The following SGK1 variants were observed in gnomAD, a reference collection of about 807,000 sequenced individuals.
The protein encoded by SGK1 is serine/threonine-protein kinase Sgk1.
In SGK1, 26 loss-of-function variants were observed where a neutral mutation model predicts 64.2. The ratio of observed to expected loss-of-function variants is 0.40; its 90% CI spans 0.30 to 0.56. SGK1 has a LOEUF of 0.56. Among genes scored for constraint, SGK1 ranks in the 20% least tolerant of loss-of-function variants. SGK1 has a pLI of 0.38. For missense variants in SGK1, 519 were observed against 645.6 expected, an observed-to-expected ratio of 0.80 and a Z score of 2.12; for synonymous variants, 265 against 239.7, an observed-to-expected ratio of 1.11 and a Z score of -0.98.
intron 8 of SGK1, 71 bp from the exon 9 acceptor site, chr6:134,172,845 G>T: frequency 1.6e-6 from 2 of 1,283,082 alleles, no homozygotes; most frequent in Non-Finnish European, 2.3e-6. Context: ...CACAGCAAAA[G>T]AACAACTGCA....
At chr6:134,305,629 A>T (rs9493894) in intron 1 of SGK1, among the ~76,000 whole-genome samples, 20,216 of 151,370 alleles carry the variant, frequency 0.13, 1,737 homozygotes, top group African/African-American at 0.24. Context: ...GATGGAATTT[A>T]AAAAAATTTA....
chr6:134,260,360 T>G (rs1776745698), intron 2 of SGK1: 5 of 89,290 alleles, frequency 5.6e-5, no homozygotes, highest in South Asian at 4.2e-4. Context: ...CCTGTCTCCC[T>G]GTCCCCGACC....
chr6:134,179,768 A>G (rs915981198), intron 3 of SGK1, among the ~76,000 whole-genome samples: 12 of 152,146 alleles, frequency 7.9e-5, no homozygotes, highest in African/African-American at 2.9e-4. Context: ...CGCAGGGTTT[A>G]TATTTTTTCC....
At chr6:134,203,198 GTGCCAC>G (rs1775712980) in intron 3 of SGK1, among the ~76,000 whole-genome samples, 1 of 152,088 alleles carries the variant, frequency 6.6e-6, no homozygotes, top group South Asian at 2.1e-4. Flanking sequence ...AGCCAAGATT[GTGCCAC>G]TGCACCCCAG....
intron 2 of SGK1, chr6:134,218,836 TC>T (rs999825383): frequency 6.6e-6 from 1 of 152,176 alleles, no homozygotes; most frequent in African/African-American, 2.4e-5. Context: ...CATTTTAGAT[TC>T]TTTAAGGGAG....
intron 3 of SGK1, among the ~76,000 whole-genome samples, chr6:134,198,963 G>A (rs1382609446): frequency 2.0e-5 from 3 of 152,132 alleles, no homozygotes; most frequent in South Asian, 4.2e-4. Flanking sequence ...ATGGCTCACC[G>A]CAGCCTCCAA....
intron 3 of SGK1, among the ~76,000 whole-genome samples, chr6:134,181,060 G>A (rs553549063): frequency 1.6e-4 from 25 of 152,230 alleles, no homozygotes; most frequent in Admixed American, 4.6e-4. Context: ...TGGCCTGGTC[G>A]GCCTCCTCTC....
At chr6:134,218,886 CAAT>C (rs1272256563) in intron 2 of SGK1, 2 of 152,194 alleles carry the variant, frequency 1.3e-5, no homozygotes, top group Non-Finnish European at 2.9e-5. Flanking sequence ...TCACCAGAAT[CAAT>C]GATGGCACAT....
intron 1 of SGK1, among the ~76,000 whole-genome samples, chr6:134,286,718 C>T (rs1381430490): frequency 1.3e-5 from 2 of 152,106 alleles, no homozygotes; most frequent in African/African-American, 4.8e-5. Flanking sequence ...CCGCCCGCCT[C>T]AGCCTCCCAA....
At chr6:134,266,289 T>G (rs1021681095) in intron 1 of SGK1, among the ~76,000 whole-genome samples, 2 of 151,894 alleles carry the variant, frequency 1.3e-5, no homozygotes, top group Non-Finnish European at 2.9e-5. Flanking sequence ...CTGGCCTATA[T>G]GTACTCTTTT....
intron 3 of SGK1, among the ~76,000 whole-genome samples, chr6:134,182,460 C>G (rs1251146743): frequency 6.6e-6 from 1 of 150,936 alleles, no homozygotes; most frequent in Non-Finnish European, 1.5e-5. Context: ...TATGCCACTG[C>G]ACTCCAGCCC....
At chr6:134,235,890 A>G (rs1174667437) in intron 2 of SGK1, among the ~76,000 whole-genome samples, 1 of 152,170 alleles carries the variant, frequency 6.6e-6, no homozygotes, top group African/African-American at 2.4e-5. Context: ...TATTTTAGAT[A>G]AGGAACAAGA....
At chr6:134,242,694 G>C (rs1582737552) in intron 2 of SGK1, among the ~76,000 whole-genome samples, 1 of 151,360 alleles carries the variant, frequency 6.6e-6, no homozygotes, top group Non-Finnish European at 1.5e-5. Context: ...CGAACTCCTG[G>C]CCTCAAACAA....
chr6:134,222,061 ATGTTG>A (rs1169698940), intron 2 of SGK1, among the ~76,000 whole-genome samples: 1 of 152,200 alleles, frequency 6.6e-6, no homozygotes, highest in African/African-American at 2.4e-5. Context: ...TTCTGCCAAA[ATGTTG>A]TGTTTTAACA....
chr6:134,208,980 T>C (rs1245485206), intron 2 of SGK1, among the ~76,000 whole-genome samples: 2 of 151,744 alleles, frequency 1.3e-5, no homozygotes, highest in Non-Finnish European at 2.9e-5. Flanking sequence ...AATTGCTGGG[T>C]CAAATGGTAA....
intron 2 of SGK1, among the ~76,000 whole-genome samples, chr6:134,253,901 G>A (rs756858476): frequency 2.0e-5 from 3 of 152,176 alleles, no homozygotes; most frequent in East Asian, 1.9e-4. Flanking sequence ...GCATTTGGTC[G>A]CTGACTAAGC....
chr6:134,313,838 C>T (rs1400131167), intron 1 of SGK1, among the ~76,000 whole-genome samples: 7 of 151,994 alleles, frequency 4.6e-5, no homozygotes, highest in African/African-American at 7.2e-5. Context: ...CATTTGTTTG[C>T]GTTTTCTAAA....
At chr6:134,242,299 A>G (rs1480685691) in intron 2 of SGK1, among the ~76,000 whole-genome samples, 1 of 151,956 alleles carries the variant, frequency 6.6e-6, no homozygotes, top group African/African-American at 2.4e-5. Flanking sequence ...CAGCCTGGCC[A>G]ACGTGGCAAA....
At chr6:134,308,804 G>A (rs1325875244) in intron 1 of SGK1, among the ~76,000 whole-genome samples, 3 of 152,210 alleles carry the variant, frequency 2.0e-5, no homozygotes, top group Non-Finnish European at 4.4e-5. Context: ...TGATCCACCC[G>A]CCTCAGCCTT....
Sources: allele counts gnomAD v4.1 joint callset (sites outside exome capture counted in the v4.1 genomes callset), GRCh38; gene constraint gnomAD v4.1.1; transcripts MANE v1.5; gene names NCBI Gene and HGNC (gene_info 2026-07-23, HGNC 2026-07-21).